CRMP1: variants seen among roughly 807,000 people sequenced by gnomAD.
CRMP1 encodes dihydropyrimidinase-related protein 1.
In CRMP1, 19 loss-of-function variants were observed where a neutral mutation model predicts 68.3. That is an observed-to-expected ratio of 0.28 (90% CI 0.19 to 0.41). The LOEUF (loss-of-function observed/expected upper bound fraction) is 0.41. Among genes scored for constraint, CRMP1 ranks in the 10% least tolerant of loss-of-function variants. The pLI is 1.00. For missense variants in CRMP1, 791 were observed against 967.4 expected (o/e 0.82, Z 2.42); for synonymous variants, 439 against 399.6 (o/e 1.10, Z -1.18).
chr4:5,843,298 G>T lies in CRMP1; in HGVS notation c.964-137C>A. The T allele has an allele frequency of 1.3e-6, 1 of 754,674 alleles. No individual in the cohort carries two copies. Among genetic ancestry groups the T allele is most frequent in the Non-Finnish European group, 2.3e-6 (1 of 440,530 alleles). 46.7% of individuals were successfully genotyped at this position (754,674 alleles called of 1,614,324 possible). On this transcript the variant is annotated intron_variant, in intron 6 of 13. Transcript: ENST00000324989. The surrounding 1 kb of genome is among the most constrained non-coding windows in gnomAD (Gnocchi z 4.1). ...GTGGCTTGCACTAGGTTAACAGTGT[G>T]CGGGGTGGGGGCAGTGAACTGTGTC...
Position 5,853,241 on chromosome 4 carries a change from C to A in CRMP1, c.821-1772G>T, listed in dbSNP as rs543722964. ...CAGCCTGGCCAATATGGTGATACCC[C>A]GTCTCTACTAAAAATACAAAAATTA... is the stretch of plus-strand genomic sequence containing the variant. On this transcript the variant is annotated intron_variant, in intron 4 of 13. Coordinates refer to ENST00000324989, the MANE Select transcript of CRMP1 (RefSeq NM_001014809.3). This position sits in a 1 kb window ranked among gnomAD's most constrained non-coding sequence, Gnocchi z 4.7. 6.6e-6 allele frequency among the ~76,000 whole-genome samples: 1 copy of A among 152,120 alleles called. No homozygotes were observed. The highest frequency in any genetic ancestry group is 1.5e-5 in the Non-Finnish European group (1 of 68,026).
intron 6 of CRMP1, among the ~76,000 whole-genome samples, chr4:5,846,747 T>C (rs559347975): frequency 7.4e-6 from 1 of 135,866 alleles, no homozygotes; most frequent in East Asian, 2.2e-4. Context: ...CCCGCCACCA[T>C]GCCCGGCTAA....
chr4:5,874,296 G>A (rs1414859503), intron 1 of CRMP1, among the ~76,000 whole-genome samples: 1 of 152,220 alleles, frequency 6.6e-6, no homozygotes, highest in Non-Finnish European at 1.5e-5. Flanking sequence ...ACGAACAAAA[G>A]TGCTAGATAA....
At position 5,839,658 on chromosome 4, in the gene CRMP1, G is replaced by T. The variant is rs930409854; in HGVS notation, c.1174C>A (p.Pro392Thr). ...RKKGPLVFGE[P>T]IAASLGTDGT... ...TCGGTCCCCAGGCTGGCGGCAATGG[G>T]CTCTCCAAAAACTAGGGGCCCTTAG... The change falls in exon 9 of 14, where the codon CCC becomes ACC. Residue 392 changes from proline (P) to threonine (T), a missense_variant. Pro to Thr is a conservative substitution (Grantham distance 38, BLOSUM62 -1). Transcript: ENST00000324989. 2 of 1,612,538 alleles carry T rather than the reference G, an allele frequency of 1.2e-6. No individual in the cohort carries two copies. The highest frequency in any genetic ancestry group is 1.7e-6 in the Non-Finnish European group (2 of 1,179,472).
intron 6 of CRMP1, among the ~76,000 whole-genome samples, chr4:5,844,802 C>T (rs1225640488): frequency 6.6e-6 from 1 of 151,484 alleles, no homozygotes; most frequent in Non-Finnish European, 1.5e-5. Flanking sequence ...TAACCACTAA[C>T]GCTGAATCTA....
chr4:5,821,092 G>A lies in CRMP1; in HGVS notation c.*668C>T, dbSNP rs1385555192. 2 of 152,370 alleles carry A rather than the reference G, an allele frequency of 1.3e-5. No homozygotes were observed. Among genetic ancestry groups the A allele is most frequent in the African/African-American group, 4.8e-5 (2 of 41,470 alleles). 9.4% of individuals were successfully genotyped at this position (152,370 alleles called of 1,614,324 possible). On this transcript the variant is annotated 3_prime_UTR_variant, in exon 14 of 14. Coordinates refer to ENST00000324989, the MANE Select transcript of CRMP1 (RefSeq NM_001014809.3). This position sits in a 1 kb window ranked among gnomAD's most constrained non-coding sequence, Gnocchi z 4.4. ...CACACAGACCAGAAGACAGCACGGTGAGTTACAAGTGCCACGGAGACCAGG... is the reference window on the plus strand; with the variant it reads ...CACACAGACCAGAAGACAGCACGGTAAGTTACAAGTGCCACGGAGACCAGG...
chr4:5,838,775 G>C lies in CRMP1; in HGVS notation c.1310+747C>G, dbSNP rs1018696647. The stretch of plus-strand genomic sequence containing the variant: ...CGCACACCACTGCCCCCTCCTCCAA[G>C]GTTCCTTCTGCCAAGAAGCCCCATC... On this transcript the variant is annotated intron_variant, in intron 9 of 13. Transcript: ENST00000324989. This position sits in a 1 kb window ranked among gnomAD's most constrained non-coding sequence, Gnocchi z 4.9. 6.6e-6 allele frequency among the ~76,000 whole-genome samples: 1 copy of C among 152,082 alleles called. No homozygotes were observed. The highest frequency in any genetic ancestry group is 1.5e-5 in the Non-Finnish European group (1 of 67,990).
rs199529285 is a variant in CRMP1, at chr4:5,866,806, A to C, written c.382-50T>G. ...GGATCCTTGGTGAAAAGCCAGGATAAAGTTTTTTCTTTTTAATTTTTAATA... is the reference window on the plus strand; with the variant it reads ...GGATCCTTGGTGAAAAGCCAGGATACAGTTTTTTCTTTTTAATTTTTAATA... On this transcript the variant is annotated intron_variant, in intron 1 of 13. Coordinates refer to ENST00000324989, the MANE Select transcript of CRMP1 (RefSeq NM_001014809.3). The surrounding 1 kb of genome is among the most constrained non-coding windows in gnomAD (Gnocchi z 5.9). The C allele has an allele frequency of 1.3e-4, 182 of 1,366,082 alleles. No individual in the cohort carries two copies. In the African/African-American group the frequency reaches 2.4e-3, roughly 18 times the overall value. 84.6% of individuals were successfully genotyped at this position (1,366,082 alleles called of 1,614,324 possible).
At position 5,888,476 on chromosome 4, in the gene CRMP1, G is replaced by A. The variant is rs1715764660; in HGVS notation, c.381+4113C>T. ...CCGCTCCGGCTGCCAGCACCGCCCG[G>A]ATCGGCGAGGAGGGCGGGAGAAGGA... is the stretch of plus-strand genomic sequence containing the variant. On this transcript the variant is annotated intron_variant, in intron 1 of 13. Coordinates refer to ENST00000324989, the MANE Select transcript of CRMP1 (RefSeq NM_001014809.3). This position sits in a 1 kb window ranked among gnomAD's most constrained non-coding sequence, Gnocchi z 6.4. 1.7e-6 allele frequency: 2 copies of A among 1,209,358 alleles called. No homozygotes were observed. The highest frequency in any genetic ancestry group is 1.6e-5 in the African/African-American group (1 of 63,444). 74.9% of individuals were successfully genotyped at this position (1,209,358 alleles called of 1,614,324 possible). A position where few individuals can be genotyped will look rare whatever the true frequency, so the allele number is the denominator to read the frequency against.
At chr4:5,840,115 G>A (rs964412703) in intron 8 of CRMP1, among the ~76,000 whole-genome samples, 1 of 152,168 alleles carries the variant, frequency 6.6e-6, no homozygotes, top group Non-Finnish European at 1.5e-5. Flanking sequence ...TTGAGGAAGT[G>A]ACATAAGGCA....
intron 6 of CRMP1, among the ~76,000 whole-genome samples, chr4:5,844,888 G>C (rs1411731406): frequency 2.6e-5 from 4 of 152,228 alleles, no homozygotes; most frequent in South Asian, 2.1e-4. Flanking sequence ...TTAATAAAAG[G>C]CTGAACAAGA....
In CRMP1 at chr4:5,872,549, T is replaced by C. The variant is rs1714531235; in HGVS notation, c.382-5793A>G. Among the ~76,000 whole-genome samples the C allele has an allele frequency of 6.6e-6, 1 of 152,076 alleles. No individual in the cohort carries two copies. Among genetic ancestry groups the C allele is most frequent in the Non-Finnish European group, 1.5e-5 (1 of 68,008 alleles). ...TAAAAATGCAAAAATTAGTTGGGCG[T>C]GGTGGCAGGCACCTGTAATCCCAGC... is the stretch of plus-strand genomic sequence containing the variant. On this transcript the variant is annotated intron_variant, in intron 1 of 13. Coordinates refer to ENST00000324989, the MANE Select transcript of CRMP1 (RefSeq NM_001014809.3). This position sits in a 1 kb window ranked among gnomAD's most constrained non-coding sequence, Gnocchi z 4.6.
chr4:5,835,613 C>G (rs759122946), intron 11 of CRMP1, among the ~76,000 whole-genome samples: 17 of 152,146 alleles, frequency 1.1e-4, no homozygotes, highest in Non-Finnish European at 2.4e-4. Flanking sequence ...AGCCCTGAAG[C>G]TTACACATTA....
intron 1 of CRMP1, among the ~76,000 whole-genome samples, chr4:5,867,341 C>A (rs1418780411): frequency 1.3e-5 from 2 of 152,110 alleles, no homozygotes; most frequent in African/African-American, 2.4e-5. Flanking sequence ...CTGCACTGGC[C>A]CCTCCTCCCT....
Position 5,865,187 on chromosome 4 carries a change from C to T in CRMP1, c.470+1481G>A, listed in dbSNP as rs944704272. 2.0e-5 allele frequency among the ~76,000 whole-genome samples: 3 copies of T among 152,124 alleles called. No homozygotes were observed. The highest frequency in any genetic ancestry group is 7.2e-5 in the African/African-American group (3 of 41,422). ...CTCCAATTCCCCTCTGCCTTTCCTT[C>T]TTGTGCCAGCCACTCATGCTGGATC... On this transcript the variant is annotated intron_variant, in intron 2 of 13. Coordinates refer to ENST00000324989, the MANE Select transcript of CRMP1 (RefSeq NM_001014809.3). This position sits in a 1 kb window ranked among gnomAD's most constrained non-coding sequence, Gnocchi z 4.1.
In CRMP1 at chr4:5,828,539, G is replaced by T. The variant is rs762086490; in HGVS notation, c.1753C>A (p.Arg585=). 4 of 1,614,100 alleles carry T rather than the reference G, an allele frequency of 2.5e-6. No individual in the cohort carries two copies. Among genetic ancestry groups the T allele is most frequent in the Non-Finnish European group, 3.4e-6 (4 of 1,180,036 alleles). The change falls in exon 12 of 14, where the codon CGG becomes AGG. Residue 585 remains arginine (R), a synonymous_variant. Coordinates refer to ENST00000324989, the MANE Select transcript of CRMP1 (RefSeq NM_001014809.3). The part of the protein sequence containing the change: ...VNKGMGRFIP[R]KAFPEHLYQR... Reference sequence around the variant, plus strand: ...TACAGGTGCTCCGGGAACGCCTTCCGCGGAATGAAGCGGCCCATGCCCTTG... The same window carrying T: ...TACAGGTGCTCCGGGAACGCCTTCCTCGGAATGAAGCGGCCCATGCCCTTG...
At position 5,825,349 on chromosome 4, in the gene CRMP1, A is replaced by G; in HGVS notation, c.1969+145T>C. The G allele has an allele frequency of 7.1e-7, 1 of 1,411,574 alleles. No homozygotes were observed. The highest frequency in any genetic ancestry group is 9.2e-7 in the Non-Finnish European group (1 of 1,090,746). The allele number at this position is 1,411,574 out of a possible 1,614,324, so 87.4% of individuals were successfully genotyped here. A position where few individuals can be genotyped will look rare whatever the true frequency, so the allele number is the denominator to read the frequency against. On this transcript the variant is annotated intron_variant, in intron 13 of 13. Coordinates refer to ENST00000324989, the MANE Select transcript of CRMP1 (RefSeq NM_001014809.3). The surrounding 1 kb of genome is among the most constrained non-coding windows in gnomAD (Gnocchi z 4.4). ...GCCAGCCCACTCTGCCCCACCAGTGAGAGCAGGCTCGGGTGGGGCACACTC... is the reference window on the plus strand; with the variant it reads ...GCCAGCCCACTCTGCCCCACCAGTGGGAGCAGGCTCGGGTGGGGCACACTC...
chr4:5,892,911 CG>C lies in CRMP1; in HGVS notation c.58del (p.Arg20GlyfsTer69). On this transcript the variant is annotated frameshift_variant, in exon 1 of 14. Coordinates refer to ENST00000324989, the MANE Select transcript of CRMP1 (RefSeq NM_001014809.3). LOFTEE classifies it high-confidence loss of function. The surrounding 1 kb of genome is among the most constrained non-coding windows in gnomAD (Gnocchi z 8.6). Reference sequence around the variant, plus strand: ...CGGGGTCTGCGCCGCGCTGCCCGGCCGCGCCAGGTACACGGGCAGGTCGTCC... The same window carrying C: ...CGGGGTCTGCGCCGCGCTGCCCGGCCCGCCAGGTACACGGGCAGGTCGTCC... Reference protein sequence around the residue: ...TEDDLPVYLARPGSAAQTPRQ... With the variant: ...TEDDLPVYLAXPGSAAQTPRQ... The C allele has an allele frequency of 7.4e-7, 1 of 1,352,450 alleles. No individual in the cohort carries two copies. 83.8% of individuals were successfully genotyped at this position (1,352,450 alleles called of 1,614,324 possible).
At chr4:5,824,831 G>A (rs1476553482) in intron 13 of CRMP1, 29 of 985,236 alleles carry the variant, frequency 2.9e-5, no homozygotes, top group Middle Eastern at 1.0e-3. Flanking sequence ...CTTTCTCAAC[G>A]TGTGCGTGCC....
Sources: gnomAD v4.1 joint callset for allele counts (sites outside exome capture counted in the v4.1 genomes callset) on GRCh38, gnomAD v4.1.1 for gene constraint, Gnocchi (gnomAD v3.1) non-coding constraint, MANE v1.5 for transcripts, NCBI Gene and HGNC (gene_info 2026-07-23, HGNC 2026-07-21) for gene names.